DNAH10: variants seen among roughly 807,000 people sequenced by gnomAD.
DNAH10 encodes the protein axonemal beta dynein heavy chain 10.
In DNAH10, 348 loss-of-function variants were observed where a neutral mutation model predicts 506.6. The ratio of observed to expected loss-of-function variants is 0.69; its 90% CI spans 0.63 to 0.75. The LOEUF (loss-of-function observed/expected upper bound fraction) is 0.75, where lower values mean the gene tolerates loss of function less well. Ranked by LOEUF, DNAH10 falls within the 30% of genes least tolerant of loss-of-function variation. DNAH10 has a pLI of 0.00. For missense variants in DNAH10, 5,179 were observed against 5,787.1 expected, an observed-to-expected ratio of 0.89 and a Z score of 3.41; for synonymous variants, 2,059 against 2,198.6, an observed-to-expected ratio of 0.94 and a Z score of 1.78.
At chr12:123,795,455 G>T (rs1446220785) in intron 12 of DNAH10, among the ~76,000 whole-genome samples, 1 of 152,150 alleles carries the variant, frequency 6.6e-6, no homozygotes, top group East Asian at 1.9e-4. Flanking sequence ...TCAGTGCTTT[G>T]CTTTCCCCAA....
rs1039905885 is a variant in DNAH10 at position 123,762,432 on chromosome 12, C to A, written c.96C>A (p.Asp32Glu). Reference protein sequence around the residue: ...PQLFEDLLNRDDGQGEDLILH... With the variant: ...PQLFEDLLNREDGQGEDLILH... Reference sequence around the variant, plus strand: ...TTTTCGAGGACCTGCTCAACCGCGACGACGGCCAGGGCGAGGACCTCATCT... The same window carrying A: ...TTTTCGAGGACCTGCTCAACCGCGAAGACGGCCAGGGCGAGGACCTCATCT... Residue 32 changes from aspartate (D) to glutamate (E), a missense_variant, in exon 1 of 79, where the codon GAC (aspartate) becomes GAA (glutamate). Physicochemically the swap from Asp to Glu is conservative, Grantham distance 45 (BLOSUM62 2). Around this residue, in one of 3 missense-constraint regions of DNAH10, gnomAD observed 326 missense variants for 330.8 expected, o/e 0.99. Transcript: ENST00000673944. This position sits in a 1 kb window ranked among gnomAD's most constrained non-coding sequence, Gnocchi z 5.0. 17 of 1,434,342 alleles carry A rather than the reference C, an allele frequency of 1.2e-5. No individual in the cohort carries two copies. Among genetic ancestry groups the A allele is most frequent in the Non-Finnish European group, 1.6e-5 (17 of 1,087,324 alleles). The allele number at this position is 1,434,342 out of a possible 1,614,324, so 88.9% of individuals were successfully genotyped here.
intron 25 of DNAH10, among the ~76,000 whole-genome samples, chr12:123,828,608 A>G (rs1456860573): frequency 6.6e-6 from 1 of 152,112 alleles, no homozygotes; most frequent in Non-Finnish European, 1.5e-5. Flanking sequence ...TGTTCTTATT[A>G]AGGTCCACTG....
At chr12:123,866,750 C>T (rs894494588) in intron 41 of DNAH10, among the ~76,000 whole-genome samples, 1 of 152,218 alleles carries the variant, frequency 6.6e-6, no homozygotes, top group Non-Finnish European at 1.5e-5. Context: ...TACAAATGGG[C>T]ATGGCTGTGT....
At position 123,870,398 on chromosome 12, in the gene DNAH10, G is replaced by A; in HGVS notation, c.7552G>A (p.Asp2518Asn). The A allele has an allele frequency of 6.2e-7, 1 of 1,613,792 alleles. No individual in the cohort carries two copies. Among genetic ancestry groups the A allele is most frequent in the Non-Finnish European group, 8.5e-7 (1 of 1,179,852 alleles). The change falls in exon 44 of 79, where the codon GAT (aspartate) becomes AAT (asparagine). Residue 2518 changes from aspartate (D) to asparagine (N), a missense_variant. Around this residue, in one of 3 missense-constraint regions of DNAH10, gnomAD observed 4,844 missense variants for 5,430.5 expected, o/e 0.89. Transcript: ENST00000673944. ...QLPTLYDFHF[D>N]NKRNQWVPWS... Reference sequence around the variant, plus strand: ...TCCAACCTTGTATGACTTTCATTTTGATAACAAACGGAATCAATGGGTCCC... The same window carrying A: ...TCCAACCTTGTATGACTTTCATTTTAATAACAAACGGAATCAATGGGTCCC...
intron 6 of DNAH10, 46 bp downstream of exon 6, chr12:123,781,345 CTG>C: frequency 1.3e-6 from 2 of 1,552,192 alleles, no homozygotes; most frequent in Non-Finnish European, 1.8e-6. Flanking sequence ...GATTAATTTA[CTG>C]TAGTTGGGAT....
At chr12:123,822,071 G>T (rs1211937374) in intron 24 of DNAH10, among the ~76,000 whole-genome samples, 2 of 152,182 alleles carry the variant, frequency 1.3e-5, no homozygotes, top group Admixed American at 1.3e-4. Flanking sequence ...GCCAGATATG[G>T]TGGCACATGC....
intron 30 of DNAH10, 82 bp downstream of exon 30, chr12:123,841,627 G>T: frequency 1.5e-6 from 2 of 1,352,392 alleles, no homozygotes; most frequent in Middle Eastern, 2.3e-4. Flanking sequence ...GGAGTAGATT[G>T]GCTGACATTC....
In DNAH10 at chr12:123,850,819, C is replaced by T; in HGVS notation, c.6103-69C>T. On this transcript the variant is annotated intron_variant, in intron 34 of 78. Transcript: ENST00000673944. The surrounding 1 kb of genome is among the most constrained non-coding windows in gnomAD (Gnocchi z 5.5). ...AATCGCCACGCAGCTCGCCGCAGGC[C>T]CCCTTTCCAAGGGGCTGGCCGGCCG... 6.6e-7 allele frequency: 1 copy of T among 1,503,818 alleles called. No homozygotes were observed. Among genetic ancestry groups the T allele is most frequent in the Admixed American group, 2.0e-5 (1 of 50,088 alleles). 93.2% of individuals were successfully genotyped at this position (1,503,818 alleles called of 1,614,324 possible).
rs368237712 is a variant in DNAH10 at position 123,929,451 on chromosome 12, C to T, written c.12483C>T (p.Asn4161=). Residue 4161 remains asparagine (N), a synonymous_variant, in exon 71 of 79, where the codon AAC becomes AAT. Coordinates refer to ENST00000673944, the MANE Select transcript of DNAH10 (RefSeq NM_001372106.1). ...GGAAGTTTGGGAAGATTGGCTGGAA[C>T]GTGTACTATGACTTCAATGAGTCTG... The part of the protein sequence containing the change: ...ERRKFGKIGW[N]VYYDFNESDF... 2.7e-5 allele frequency: 44 copies of T among 1,613,520 alleles called. No individual in the cohort carries two copies. Among genetic ancestry groups the T allele is most frequent in the South Asian group, 2.4e-4 (22 of 90,912 alleles).
chr12:123,788,220 C>T (rs1300144655), intron 10 of DNAH10, among the ~76,000 whole-genome samples: 1 of 152,214 alleles, frequency 6.6e-6, no homozygotes, highest in African/African-American at 2.4e-5. Flanking sequence ...TGACATTCTT[C>T]CCTCTCCCTG....
intron 32 of DNAH10, among the ~76,000 whole-genome samples, chr12:123,847,095 T>G (rs1713728481): frequency 6.8e-6 from 1 of 147,670 alleles, no homozygotes; most frequent in Admixed American, 6.6e-5. Flanking sequence ...TATCTATCTA[T>G]CTAATCTATC....
intron 56 of DNAH10, among the ~76,000 whole-genome samples, chr12:123,901,493 G>A (rs1436441278): frequency 6.6e-6 from 1 of 152,196 alleles, no homozygotes; most frequent in Non-Finnish European, 1.5e-5. Flanking sequence ...GTGCTGGCTT[G>A]TTAGCTGTGG....
chr12:123,845,213 A>G (rs10773039), intron 30 of DNAH10, among the ~76,000 whole-genome samples: 90,349 of 151,890 alleles, frequency 0.59, 28,195 homozygotes, highest in African/African-American at 0.79. Flanking sequence ...TGCCCAGGCT[A>G]GTCTTGAACT....
At chr12:123,804,092 A>G (rs908665458) in intron 17 of DNAH10, among the ~76,000 whole-genome samples, 3 of 152,024 alleles carry the variant, frequency 2.0e-5, no homozygotes, top group Admixed American at 6.6e-5. Flanking sequence ...AGGGCTCACT[A>G]TGTTGCCCAG....
intron 30 of DNAH10, among the ~76,000 whole-genome samples, chr12:123,844,306 G>A (rs928521048): frequency 6.6e-6 from 1 of 152,158 alleles, no homozygotes; most frequent in African/African-American, 2.4e-5. Context: ...TACAATTTGA[G>A]ACGAGACGTG....
chr12:123,931,919 G>A (rs540070187), intron 75 of DNAH10, 22 bp from the exon 76 acceptor site: 29 of 1,613,744 alleles, frequency 1.8e-5, no homozygotes, highest in South Asian at 1.3e-4. Flanking sequence ...AGTCCTGCCC[G>A]ATTGCTCTTG....
chr12:123,916,811 A>T lies in DNAH10; in HGVS notation c.11002+75A>T, dbSNP rs1206222858. On this transcript the variant is annotated intron_variant, in intron 63 of 78. Coordinates refer to ENST00000673944, the MANE Select transcript of DNAH10 (RefSeq NM_001372106.1). The surrounding 1 kb of genome is among the most constrained non-coding windows in gnomAD (Gnocchi z 4.6). ...ACCGCAACCTCAGATCAAGGCATTCATGGGACATCATTTCACTCAGTGACC... is the reference window on the plus strand; with the variant it reads ...ACCGCAACCTCAGATCAAGGCATTCTTGGGACATCATTTCACTCAGTGACC... The T allele has an allele frequency of 6.7e-7, 1 of 1,498,876 alleles. No homozygotes were observed. The highest frequency in any genetic ancestry group is 8.9e-7 in the Non-Finnish European group (1 of 1,123,084). The allele number at this position is 1,498,876 out of a possible 1,614,324, so 92.8% of individuals were successfully genotyped here. A position where few individuals can be genotyped will look rare whatever the true frequency, so the allele number is the denominator to read the frequency against.
intron 2 of DNAH10, 99 bp downstream of exon 2, chr12:123,767,788 C>A: frequency 1.0e-6 from 1 of 986,286 alleles, no homozygotes; most frequent in Non-Finnish European, 1.6e-6. Flanking sequence ...GTTGTACTTT[C>A]ACTGGGTATG....
At chr12:123,888,813 G>A (rs565069944) in intron 52 of DNAH10, among the ~76,000 whole-genome samples, 1 of 152,130 alleles carries the variant, frequency 6.6e-6, no homozygotes, top group Non-Finnish European at 1.5e-5. Flanking sequence ...TCTTAGCCAC[G>A]CTCACAACCA....
Sources: gnomAD v4.1 joint callset for allele counts (sites outside exome capture counted in the v4.1 genomes callset) on GRCh38, gnomAD v4.1.1 for gene constraint, gnomAD v4.1.1 regional missense constraint, Gnocchi (gnomAD v3.1) non-coding constraint, MANE v1.5 for transcripts, NCBI Gene and HGNC (gene_info 2026-07-23, HGNC 2026-07-21) for gene names.